The following LRFN2 variants were observed in gnomAD, a reference collection of about 807,000 sequenced individuals.
LRFN2 encodes the protein leucine-rich repeat and fibronectin type-III domain-containing protein 2.
LRFN2 carries 18 observed loss-of-function variants against 37.3 expected under a neutral mutation model. The observed-to-expected ratio is 0.48, with a 90% CI of 0.33 to 0.72. The LOEUF (loss-of-function observed/expected upper bound fraction) is 0.72. LRFN2 is among the 30% of genes least tolerant of loss of function. The pLI is 0.02. For synonymous variants in LRFN2, 556 were observed against 466.6 expected (o/e 1.19, Z -2.47); for missense variants, 1,006 against 1,060.7 (o/e 0.95, Z 0.72).
rs1581778991 is a variant in LRFN2, at chr6:40,526,603, C to T, written c.-19+60338G>A. Among the ~76,000 whole-genome samples, 3 of 152,300 alleles carry T rather than the reference C, an allele frequency of 2.0e-5. No homozygotes were observed. In the South Asian group the frequency reaches 6.2e-4, roughly 32 times the overall value. On this transcript the variant is annotated intron_variant, in intron 1 of 2. Transcript: ENST00000338305. ...CCATATCTGACTCCCACTCTCTGTCCACTGTGAGGGCTAGGCCAGCTCTTC... is the reference window on the plus strand; with the variant it reads ...CCATATCTGACTCCCACTCTCTGTCTACTGTGAGGGCTAGGCCAGCTCTTC...
At chr6:40,549,764 G>A (rs1426204322) in intron 1 of LRFN2, among the ~76,000 whole-genome samples, 1 of 152,160 alleles carries the variant, frequency 6.6e-6, no homozygotes, top group African/African-American at 2.4e-5. Flanking sequence ...TCTGCCAGGA[G>A]TGGTGGCTCA....
At chr6:40,464,726 A>G (rs185856912) in intron 1 of LRFN2, among the ~76,000 whole-genome samples, 1 of 152,220 alleles carries the variant, frequency 6.6e-6, no homozygotes, top group African/African-American at 2.4e-5. Context: ...CGTGGCCACA[A>G]GAGTCAGTGG....
At chr6:40,433,192 G>C (rs931387461) in intron 1 of LRFN2, 61 bp from the exon 2 acceptor site, 1 of 1,398,706 alleles carries the variant, frequency 7.1e-7, no homozygotes, top group East Asian at 2.4e-5. Context: ...CTCACCCAGA[G>C]CTTCCTCCCT....
intron 1 of LRFN2, among the ~76,000 whole-genome samples, chr6:40,437,427 C>T (rs1001172298): frequency 6.6e-6 from 1 of 151,846 alleles, no homozygotes; most frequent in Non-Finnish European, 1.5e-5. Flanking sequence ...CCCTGGAGCT[C>T]AGAGGCACAG....
Position 40,431,951 on chromosome 6 carries a change from C to A in LRFN2, c.1163G>T (p.Arg388Leu), listed in dbSNP as rs148386118. The A allele has an allele frequency of 5.6e-6, 9 of 1,613,436 alleles. No homozygotes were observed. Among genetic ancestry groups the A allele is most frequent in the Non-Finnish European group, 7.6e-6 (9 of 1,179,942 alleles). Reference protein sequence around the residue: ...QLPHLSNSTSRTAPPKSRLSD... With the variant: ...QLPHLSNSTSLTAPPKSRLSD... ...GAGGCGGGACTTGGGGGGTGCAGTG[C>A]GGCTGGTGCTGTTGCTGAGGTGTGG... Residue 388 changes from arginine (R) to leucine (L), a missense_variant, in exon 2 of 3, where the codon CGC becomes CTC. Around this residue, in one of 4 missense-constraint regions of LRFN2, gnomAD observed 303 missense variants for 299.8 expected, o/e 1.01. Coordinates refer to ENST00000338305, the MANE Select transcript of LRFN2 (RefSeq NM_020737.3).
chr6:40,475,438 G>T (rs1159198715), intron 1 of LRFN2, among the ~76,000 whole-genome samples: 1 of 152,166 alleles, frequency 6.6e-6, no homozygotes, highest in Non-Finnish European at 1.5e-5. Context: ...AAGGTGTGGG[G>T]AGGGCAAAAC....
At position 40,466,231 on chromosome 6, in the gene LRFN2, G is replaced by A. The variant is rs1208659181; in HGVS notation, c.-18-33100C>T. Among the ~76,000 whole-genome samples, 2 of 152,176 alleles carry A rather than the reference G, an allele frequency of 1.3e-5. 1 individual carries two copies. The highest frequency in any genetic ancestry group is 6.3e-3 in the Middle Eastern group (2 of 316). On this transcript the variant is annotated intron_variant, in intron 1 of 2. Transcript: ENST00000338305. ...ATACTTTATGACCTTAAGGCAAGATGACCAGATCACCCCAAGGAGCAGGCA... is the reference window on the plus strand; with the variant it reads ...ATACTTTATGACCTTAAGGCAAGATAACCAGATCACCCCAAGGAGCAGGCA...
At chr6:40,456,081 G>A (rs1051293351) in intron 1 of LRFN2, among the ~76,000 whole-genome samples, 1 of 152,150 alleles carries the variant, frequency 6.6e-6, no homozygotes, top group African/African-American at 2.4e-5. Context: ...CAAGAGAGAA[G>A]GGGCCTCAGT....
chr6:40,561,096 C>A (rs1766985295), intron 1 of LRFN2, among the ~76,000 whole-genome samples: 1 of 152,194 alleles, frequency 6.6e-6, no homozygotes, highest in Admixed American at 6.5e-5. Flanking sequence ...TTCAATGGGA[C>A]CTCAGAGACA....
rs565202096 is a variant in LRFN2, at chr6:40,401,056, C to T, written c.1401-8144G>A. On this transcript the variant is annotated intron_variant, in intron 2 of 2. Transcript: ENST00000338305. ...ACTTCTGAGGTGACTTCCTATGTGACCTCTCTCTGTAGGCTGAGGCTCCTC... is the reference window on the plus strand; with the variant it reads ...ACTTCTGAGGTGACTTCCTATGTGATCTCTCTCTGTAGGCTGAGGCTCCTC... Among the ~76,000 whole-genome samples the T allele has an allele frequency of 4.8e-5, 7 of 147,174 alleles. No homozygotes were observed. The South Asian group carries it at 8.4e-4, about 18-fold the overall frequency.
chr6:40,442,157 C>CAGTG (rs1763852904), intron 1 of LRFN2, among the ~76,000 whole-genome samples: 1 of 152,162 alleles, frequency 6.6e-6, no homozygotes, highest in Non-Finnish European at 1.5e-5. Flanking sequence ...TAGTACCCAT[C>CAGTG]CAGGAGCAAC....
chr6:40,468,843 C>A lies in LRFN2; in HGVS notation c.-18-35712G>T, dbSNP rs77511594. On this transcript the variant is annotated intron_variant, in intron 1 of 2. Transcript: ENST00000338305. ...TTCATTTGTAAAATGGGAATCATGT[C>A]GGCCCTATGTATCCTCCCGGTCAAT... is the stretch of plus-strand genomic sequence containing the variant. 5.3e-3 allele frequency among the ~76,000 whole-genome samples: 803 copies of A among 152,132 alleles called. 4 individuals are homozygous for A. Among genetic ancestry groups the A allele is most frequent in the African/African-American group, 0.012 (498 of 41,474 alleles).
chr6:40,533,542 C>T (rs2113910898), intron 1 of LRFN2, among the ~76,000 whole-genome samples: 1 of 152,250 alleles, frequency 6.6e-6, no homozygotes, highest in African/African-American at 2.4e-5. Flanking sequence ...AGCTCTCCTC[C>T]TACCTCTCAC....
chr6:40,580,717 G>C (rs764232880), intron 1 of LRFN2, among the ~76,000 whole-genome samples: 2 of 152,184 alleles, frequency 1.3e-5, no homozygotes, highest in South Asian at 4.1e-4. Flanking sequence ...AATGGCACCC[G>C]CCCATGTCTT....
chr6:40,433,176 A>G, intron 1 of LRFN2, 45 bp from the exon 2 acceptor site: 2 of 1,469,340 alleles, frequency 1.4e-6, no homozygotes, highest in Non-Finnish European at 1.8e-6. Context: ...GCAAATTCCT[A>G]ATGCACTCAC....
At chr6:40,573,897 G>A (rs984221657) in intron 1 of LRFN2, among the ~76,000 whole-genome samples, 1 of 152,328 alleles carries the variant, frequency 6.6e-6, no homozygotes, top group African/African-American at 2.4e-5. Flanking sequence ...GGAGGCAGAG[G>A]TTGCAGTGAG....
chr6:40,480,247 C>T (rs1253244201), intron 1 of LRFN2, among the ~76,000 whole-genome samples: 1 of 152,128 alleles, frequency 6.6e-6, no homozygotes, highest in East Asian at 1.9e-4. Context: ...ACTTGTCTGG[C>T]CAGGAGTTCA....
chr6:40,503,209 G>T (rs1178627651), intron 1 of LRFN2, among the ~76,000 whole-genome samples: 1 of 152,178 alleles, frequency 6.6e-6, no homozygotes, highest in Non-Finnish European at 1.5e-5. Flanking sequence ...GGTTAGGATG[G>T]CAGAGAGGGT....
At chr6:40,512,844 T>C (rs1048527652) in intron 1 of LRFN2, among the ~76,000 whole-genome samples, 5 of 152,204 alleles carry the variant, frequency 3.3e-5, no homozygotes, top group Non-Finnish European at 5.9e-5. Flanking sequence ...CTCCAGCTAA[T>C]ATCCCCAGTG....
Sources: allele counts gnomAD v4.1 joint callset (sites outside exome capture counted in the v4.1 genomes callset), GRCh38; gene constraint gnomAD v4.1.1; regional missense constraint gnomAD v4.1.1; transcripts MANE v1.5; gene names NCBI Gene and HGNC (gene_info 2026-07-23, HGNC 2026-07-21).